Variants in IRF2 observed in about 807,000 individuals in gnomAD.
The protein encoded by IRF2 is interferon regulatory factor 2.
In IRF2, 15 loss-of-function variants were observed where a neutral mutation model predicts 40.6. The observed-to-expected ratio is 0.37, with a 90% CI of 0.25 to 0.57. The LOEUF (loss-of-function observed/expected upper bound fraction) is 0.57, where lower values mean the gene tolerates loss of function less well. Among genes scored for constraint, IRF2 ranks in the 20% least tolerant of loss-of-function variants. The pLI is 0.77. For synonymous variants in IRF2, 151 were observed against 165.5 expected (o/e 0.91, Z 0.67); for missense variants, 317 against 455.7 (o/e 0.70, Z 2.77).
chr4:184,402,503 T>C lies in IRF2; in HGVS notation c.530-3424A>G, dbSNP rs536242044. ...CCGTATGGAGCTTTGAGTTGGTCAATGGCATCTCTCCTCAACCAAAGTATG... is the reference window on the plus strand; with the variant it reads ...CCGTATGGAGCTTTGAGTTGGTCAACGGCATCTCTCCTCAACCAAAGTATG... On this transcript the variant is annotated intron_variant, in intron 6 of 8. Coordinates refer to ENST00000393593, the MANE Select transcript of IRF2 (RefSeq NM_002199.4). Among the ~76,000 whole-genome samples, 3 of 152,238 alleles carry C rather than the reference T, an allele frequency of 2.0e-5. No homozygotes were observed. The South Asian group carries it at 6.2e-4, about 32-fold the overall frequency.
rs531294000 is a variant in IRF2, at chr4:184,453,025, C to T, written c.-7+21354G>A. Among the ~76,000 whole-genome samples the T allele has an allele frequency of 5.3e-5, 8 of 152,102 alleles. No homozygotes were observed. In the East Asian group the frequency reaches 1.5e-3, roughly 29 times the overall value. On this transcript the variant is annotated intron_variant, in intron 1 of 8. Transcript: ENST00000393593. The stretch of plus-strand genomic sequence containing the variant: ...GTAATCTAATCATGTGTGAAACATG[C>T]TGTCTTAAAATTAAAAAAAGAAAAA...
At chr4:184,460,631 A>G (rs1739099362) in intron 1 of IRF2, among the ~76,000 whole-genome samples, 1 of 148,804 alleles carries the variant, frequency 6.7e-6, no homozygotes, top group Non-Finnish European at 1.5e-5. Context: ...ACACACACAC[A>G]CGCATGCACG....
intron 1 of IRF2, among the ~76,000 whole-genome samples, chr4:184,431,062 G>GC (rs974236486): frequency 5.9e-5 from 9 of 152,194 alleles, no homozygotes; most frequent in African/African-American, 2.2e-4. Flanking sequence ...AACACTCACT[G>GC]CCAGGCCCAG....
rs562559836 is a variant in IRF2, at chr4:184,446,770, G to A, written c.-6-17700C>T. Among the ~76,000 whole-genome samples, 10 of 151,998 alleles carry A rather than the reference G, an allele frequency of 6.6e-5. No homozygotes were observed. The East Asian group carries it at 1.4e-3, about 21-fold the overall frequency. On this transcript the variant is annotated intron_variant, in intron 1 of 8. Coordinates refer to ENST00000393593, the MANE Select transcript of IRF2 (RefSeq NM_002199.4). ...AGATCGAGACCACCCCGGCTAACACGGTGAAACCCCGTCTCTACTAAAAAT... is the reference window on the plus strand; with the variant it reads ...AGATCGAGACCACCCCGGCTAACACAGTGAAACCCCGTCTCTACTAAAAAT...
intron 6 of IRF2, among the ~76,000 whole-genome samples, chr4:184,404,550 A>G (rs1269424471): frequency 6.6e-6 from 1 of 152,146 alleles, no homozygotes; most frequent in East Asian, 1.9e-4. Context: ...ATAAATAATT[A>G]TATATTGTTT....
intron 7 of IRF2, among the ~76,000 whole-genome samples, chr4:184,394,957 C>T (rs570459252): frequency 6.6e-6 from 1 of 152,324 alleles, no homozygotes; most frequent in South Asian, 2.1e-4. Context: ...TATCTCTTCT[C>T]TTTCTCATCA....
chr4:184,469,301 T>A (rs1863316), intron 1 of IRF2, among the ~76,000 whole-genome samples: 108,778 of 151,940 alleles, frequency 0.72, 39,141 homozygotes, highest in Middle Eastern at 0.84. Context: ...CTATAATGAG[T>A]TCAGTGAGAT....
At chr4:184,411,059 C>CTT (rs34897483) in intron 5 of IRF2, among the ~76,000 whole-genome samples, 9 of 141,414 alleles carry the variant, frequency 6.4e-5, no homozygotes, top group African/African-American at 1.6e-4. Context: ...TCTCTCCACA[C>CTT]TTTTTTTTTT....
rs1408157390 is a variant in IRF2, at chr4:184,413,674, C to G, written c.411+4493G>C. Among the ~76,000 whole-genome samples, 1 of 152,230 alleles carries G rather than the reference C, an allele frequency of 6.6e-6. No individual in the cohort carries two copies. The highest frequency in any genetic ancestry group is 1.5e-5 in the Non-Finnish European group (1 of 68,046). Reference sequence around the variant, plus strand: ...AATACAGACCAGGCCTAATCTTTTCCAAGCGACTTTGGCAGCCCTTCCCAA... The same window carrying G: ...AATACAGACCAGGCCTAATCTTTTCGAAGCGACTTTGGCAGCCCTTCCCAA... On this transcript the variant is annotated intron_variant, in intron 5 of 8. Coordinates refer to ENST00000393593, the MANE Select transcript of IRF2 (RefSeq NM_002199.4). This position sits in a 1 kb window ranked among gnomAD's most constrained non-coding sequence, Gnocchi z 4.2.
intron 1 of IRF2, among the ~76,000 whole-genome samples, chr4:184,453,386 A>C (rs914411670): frequency 6.6e-6 from 1 of 152,246 alleles, no homozygotes; most frequent in African/African-American, 2.4e-5. Context: ...AATCATGCAC[A>C]GATTTCAAAG....
intron 1 of IRF2, among the ~76,000 whole-genome samples, chr4:184,467,149 C>G (rs1739355773): frequency 6.6e-6 from 1 of 152,194 alleles, no homozygotes; most frequent in Non-Finnish European, 1.5e-5. Context: ...ATAAAAGGAT[C>G]TGATCCCACA....
At chr4:184,400,329 G>A (rs903529728) in intron 6 of IRF2, among the ~76,000 whole-genome samples, 2 of 152,098 alleles carry the variant, frequency 1.3e-5, no homozygotes, top group Non-Finnish European at 2.9e-5. Context: ...AGACTTTTGG[G>A]GCTGGCTTTT....
At chr4:184,427,699 A>T (rs1225765730) in intron 2 of IRF2, among the ~76,000 whole-genome samples, 1 of 152,164 alleles carries the variant, frequency 6.6e-6, no homozygotes, top group African/African-American at 2.4e-5. Flanking sequence ...AGTAAAAAGA[A>T]ATAAGATTTG....
intron 5 of IRF2, among the ~76,000 whole-genome samples, chr4:184,412,875 C>T (rs147860280): frequency 1.1e-4 from 17 of 152,342 alleles, no homozygotes; most frequent in East Asian, 7.7e-4. Flanking sequence ...AAGCTACCAA[C>T]GCCATTCTCA....
chr4:184,473,054 C>A (rs947339410), intron 1 of IRF2, among the ~76,000 whole-genome samples: 1 of 151,746 alleles, frequency 6.6e-6, no homozygotes, highest in Non-Finnish European at 1.5e-5. Flanking sequence ...GGCCCCCAGG[C>A]CGTGCCACTG....
At position 184,388,917 on chromosome 4, in the gene IRF2, A is replaced by G; in HGVS notation, c.891T>C (p.Asn297=). Residue 297 remains asparagine (N), a synonymous_variant, in exon 9 of 9, where the codon AAT becomes AAC. Transcript: ENST00000393593. This position sits in a 1 kb window ranked among gnomAD's most constrained non-coding sequence, Gnocchi z 4.6. ...DLQVTIKEES[N]PVPYNSSWPP... ...GCCAGGAGCTGTTGTAAGGCACCGG[A>G]TTGCTCTCCTCTTTGATGGTGACCT... 6.2e-7 allele frequency: 1 copy of G among 1,614,022 alleles called. No individual in the cohort carries two copies. The highest frequency in any genetic ancestry group is 8.5e-7 in the Non-Finnish European group (1 of 1,180,024).
intron 5 of IRF2, among the ~76,000 whole-genome samples, chr4:184,411,150 C>T (rs1045751336): frequency 8.6e-5 from 13 of 151,920 alleles, no homozygotes; most frequent in African/African-American, 3.1e-4. Context: ...CTCCACCTCC[C>T]GGGTTCAAGA....
chr4:184,425,755 C>T (rs1315775839), intron 2 of IRF2, among the ~76,000 whole-genome samples: 1 of 152,220 alleles, frequency 6.6e-6, no homozygotes, highest in African/African-American at 2.4e-5. Flanking sequence ...ATCCATTTGC[C>T]TTCTGGTCCT....
chr4:184,435,631 C>T (rs866295318), intron 1 of IRF2, among the ~76,000 whole-genome samples: 4 of 152,210 alleles, frequency 2.6e-5, no homozygotes, highest in Non-Finnish European at 2.9e-5. Flanking sequence ...GGGCTGCTGT[C>T]GTCCTAGCGC....
Sources: gnomAD v4.1 joint callset for allele counts (sites outside exome capture counted in the v4.1 genomes callset) on GRCh38, gnomAD v4.1.1 for gene constraint, Gnocchi (gnomAD v3.1) non-coding constraint, MANE v1.5 for transcripts, NCBI Gene and HGNC (gene_info 2026-07-23, HGNC 2026-07-21) for gene names.